The following CSGALNACT1 variants were observed in gnomAD, a reference collection of about 807,000 sequenced individuals.
The protein encoded by CSGALNACT1 is beta4GalNAcT-1.
In CSGALNACT1, 52 loss-of-function variants were observed where a neutral mutation model predicts 51.0. The observed-to-expected ratio is 1.02, with a 90% CI of 0.82 to 1.29. The LOEUF (loss-of-function observed/expected upper bound fraction) is 1.29, where lower values mean the gene tolerates loss of function less well. Among genes scored for constraint, CSGALNACT1 ranks in the 50% most tolerant of loss-of-function variants. The pLI, the probability that CSGALNACT1 is intolerant of heterozygous loss-of-function variation, is 0.00. For missense variants in CSGALNACT1, 935 were observed against 679.2 expected (o/e 1.38, Z -4.19); for synonymous variants, 341 against 254.4 (o/e 1.34, Z -3.24).
chr8:19,425,008 C>T (rs573691208), intron 6 of CSGALNACT1, among the ~76,000 whole-genome samples: 2 of 152,278 alleles, frequency 1.3e-5, no homozygotes, highest in South Asian at 4.1e-4. Flanking sequence ...CCAAACTCAC[C>T]ATGCCAAAAG....
intron 2 of CSGALNACT1, among the ~76,000 whole-genome samples, chr8:19,592,405 T>C (rs960349396): frequency 6.6e-6 from 1 of 152,174 alleles, no homozygotes; most frequent in Non-Finnish European, 1.5e-5. Flanking sequence ...GTATATATAT[T>C]TATTTATGTA....
upstream of CSGALNACT1, among the ~76,000 whole-genome samples, chr8:19,685,380 G>C (rs1379914132): frequency 6.6e-6 from 1 of 152,154 alleles, no homozygotes; most frequent in African/African-American, 2.4e-5. Flanking sequence ...TGTGCCTGTG[G>C]TCCCAGCTAA....
intron 1 of CSGALNACT1, among the ~76,000 whole-genome samples, chr8:19,659,386 C>T (rs978777812): frequency 1.1e-4 from 17 of 152,178 alleles, no homozygotes; most frequent in Non-Finnish European, 2.2e-4. Context: ...TAGGTGCTGT[C>T]CACACTCTCT....
At chr8:19,452,412 C>T (rs886555897) in intron 5 of CSGALNACT1, among the ~76,000 whole-genome samples, 8 of 88,654 alleles carry the variant, frequency 9.0e-5, no homozygotes, top group Non-Finnish European at 1.3e-4. Context: ...GAACTAACCC[C>T]TGGGGGAAAA....
intron 3 of CSGALNACT1, among the ~76,000 whole-genome samples, chr8:19,525,312 C>A (rs998262446): frequency 2.0e-5 from 3 of 151,996 alleles, no homozygotes; most frequent in Non-Finnish European, 4.4e-5. Flanking sequence ...GCACTAAAAA[C>A]CTGCAGAATG....
intron 4 of CSGALNACT1, among the ~76,000 whole-genome samples, chr8:19,460,219 G>A (rs1184982632): frequency 6.6e-6 from 1 of 152,174 alleles, no homozygotes; most frequent in African/African-American, 2.4e-5. Context: ...GTTACCTGAA[G>A]TACAATACCT....
intron 3 of CSGALNACT1, among the ~76,000 whole-genome samples, chr8:19,536,695 G>A (rs1440932879): frequency 6.6e-6 from 1 of 152,164 alleles, no homozygotes; most frequent in Admixed American, 6.5e-5. Context: ...AAAAGAGCTA[G>A]AACAGCAAAT....
intron 1 of CSGALNACT1, among the ~76,000 whole-genome samples, chr8:19,620,244 G>C (rs531823132): frequency 6.7e-6 from 1 of 148,506 alleles, no homozygotes; most frequent in East Asian, 2.0e-4. Context: ...GAACCCGAGA[G>C]GCAGAGGTTG....
exon 10 of CSGALNACT1, chr8:19,405,708 T>C (rs762698549): frequency 6.3e-7 from 1 of 1,592,086 alleles, no homozygotes; most frequent in South Asian, 1.1e-5. Context: ...GGAAGTCTTT[T>C]CTCTGTTGCA....
intron 4 of CSGALNACT1, among the ~76,000 whole-genome samples, chr8:19,488,819 C>A (rs2073714022): frequency 6.6e-6 from 1 of 152,116 alleles, no homozygotes. Context: ...GCTAAGAACC[C>A]TGTATACCTG....
At position 19,420,588 on chromosome 8, in the gene CSGALNACT1, A is replaced by C; in HGVS notation, c.954-70T>G. The C allele has an allele frequency of 4.1e-6, 6 of 1,466,642 alleles. No homozygotes were observed. In the South Asian group the frequency reaches 4.5e-5, roughly 11 times the overall value. The allele number at this position is 1,466,642 out of a possible 1,614,324, so 90.9% of individuals were successfully genotyped here. On this transcript the variant is annotated intron_variant, in intron 6 of 9. Coordinates refer to ENST00000454498, the Ensembl canonical transcript of CSGALNACT1. The stretch of plus-strand genomic sequence containing the variant: ...GGCAGCATCCCCTGAGAAAATATGT[A>C]ATCAGGGCCCATCCACATCTTGACC...
intron 4 of CSGALNACT1, among the ~76,000 whole-genome samples, chr8:19,465,936 G>C (rs1455264192): frequency 2.0e-5 from 3 of 152,184 alleles, no homozygotes; most frequent in Non-Finnish European, 4.4e-5. Context: ...TCCAGATCAT[G>C]AAAAGAGCAT....
rs1481309315 is a variant in CSGALNACT1, at chr8:19,505,427, G to A, written c.408C>T (p.Gly136=). 12 of 1,614,190 alleles carry A rather than the reference G, an allele frequency of 7.4e-6. No homozygotes were observed. The South Asian group carries it at 8.8e-5, about 12-fold the overall frequency. ...CTGCATACTCTGTGGCCAGCTTGAC[G>A]CCAGCATTCACCTCTGCCTTGTCCA... The change falls in exon 4 of 10, where the codon GGC becomes GGT. Residue 136 remains glycine, a synonymous_variant. Coordinates refer to ENST00000454498, the Ensembl canonical transcript of CSGALNACT1.
At chr8:19,474,228 C>T (rs1386508838) in intron 4 of CSGALNACT1, among the ~76,000 whole-genome samples, 1 of 152,056 alleles carries the variant, frequency 6.6e-6, no homozygotes, top group Non-Finnish European at 1.5e-5. Context: ...GGGAAAGAAA[C>T]CAACACTCCC....
chr8:19,705,605 T>C (rs1300856121), intron 1 of CSGALNACT1, among the ~76,000 whole-genome samples: 1 of 151,920 alleles, frequency 6.6e-6, no homozygotes, highest in Non-Finnish European at 1.5e-5. Flanking sequence ...GGCATGGTGG[T>C]GCATGCCCAT....
At chr8:19,458,153 A>G (rs984262589) in intron 5 of CSGALNACT1, among the ~76,000 whole-genome samples, 3 of 152,230 alleles carry the variant, frequency 2.0e-5, no homozygotes, top group African/African-American at 4.8e-5. Context: ...CAGAATGAAC[A>G]TAACAGGCAT....
chr8:19,680,425 G>A (rs574509669), intron 1 of CSGALNACT1, among the ~76,000 whole-genome samples: 14 of 151,884 alleles, frequency 9.2e-5, no homozygotes, highest in Middle Eastern at 3.4e-3. Context: ...GTGTGGTGGC[G>A]GGTGCCTGTA....
At chr8:19,513,754 A>G (rs2078950117) in intron 3 of CSGALNACT1, among the ~76,000 whole-genome samples, 1 of 152,086 alleles carries the variant, frequency 6.6e-6, no homozygotes, top group African/African-American at 2.4e-5. Flanking sequence ...CCTGTACCAC[A>G]TGTGGCTATA....
intron 4 of CSGALNACT1, among the ~76,000 whole-genome samples, chr8:19,461,239 A>C (rs555831664): frequency 7.2e-5 from 11 of 152,342 alleles, no homozygotes; most frequent in African/African-American, 2.2e-4. Context: ...TTCTTTGAAA[A>C]CGTTAAGTGT....
Sources: allele counts gnomAD v4.1 joint callset (sites outside exome capture counted in the v4.1 genomes callset), GRCh38; gene constraint gnomAD v4.1.1; transcripts MANE v1.5; gene names NCBI Gene and HGNC (gene_info 2026-07-23, HGNC 2026-07-21).